Variants in DOCK5 observed in about 807,000 individuals in gnomAD.
DOCK5 encodes the protein dedicator of cytokinesis protein 5.
In DOCK5, 142 loss-of-function variants were observed where a neutral mutation model predicts 251.8. The observed-to-expected ratio is 0.56, with a 90% CI of 0.49 to 0.65. DOCK5 has a LOEUF of 0.65. Among genes scored for constraint, DOCK5 ranks in the 30% least tolerant of loss-of-function variants. The probability of loss-of-function intolerance (pLI) is 0.00; values close to 1 mark genes in which losing one functional copy is unlikely to be tolerated. For missense variants in DOCK5, 2,111 were observed against 2,312.3 expected, an observed-to-expected ratio of 0.91 and a Z score of 1.79; for synonymous variants, 842 against 835.5, an observed-to-expected ratio of 1.01 and a Z score of -0.13.
chr8:25,266,320 A>G (rs1205208280), intron 2 of DOCK5, among the ~76,000 whole-genome samples: 1 of 150,650 alleles, frequency 6.6e-6, no homozygotes, highest in African/African-American at 2.5e-5. Context: ...GGTTCACCCC[A>G]TTCTCCTGCC....
chr8:25,402,515 C>G lies in DOCK5; in HGVS notation c.4927-1043C>G, dbSNP rs917456962. ...GTTTCACCATGTTAGCCGGAATGGT[C>G]TCAATCTCCTGACCTTGTGATCCGC... On this transcript the variant is annotated intron_variant, in intron 47 of 51. Coordinates refer to ENST00000276440, the MANE Select transcript of DOCK5 (RefSeq NM_024940.8). 6.6e-5 allele frequency among the ~76,000 whole-genome samples: 10 copies of G among 152,140 alleles called. 1 individual carries two copies. The highest frequency in any genetic ancestry group is 1.3e-4 in the Non-Finnish European group (9 of 68,022).
intron 37 of DOCK5, chr8:25,374,877 A>C (rs1268209901): frequency 7.3e-7 from 1 of 1,361,224 alleles, no homozygotes; most frequent in Non-Finnish European, 9.5e-7. Flanking sequence ...GCAGAGCACG[A>C]CTTATGAACC....
At chr8:25,361,375 T>A (rs1394674342) in intron 28 of DOCK5, among the ~76,000 whole-genome samples, 1 of 152,108 alleles carries the variant, frequency 6.6e-6, no homozygotes, top group Non-Finnish European at 1.5e-5. Flanking sequence ...TTTGGGAGGC[T>A]GAGGCAGGTG....
intron 7 of DOCK5, among the ~76,000 whole-genome samples, chr8:25,297,535 T>C (rs1249556673): frequency 6.6e-6 from 1 of 152,036 alleles, no homozygotes; most frequent in African/African-American, 2.4e-5. Flanking sequence ...ATTACAGGCG[T>C]GAGCCACCAA....
Position 25,408,046 on chromosome 8 carries a change from C to T in DOCK5, c.5157C>T (p.Ser1719=), listed in dbSNP as rs374522885. 3.1e-6 allele frequency: 5 copies of T among 1,611,190 alleles called. No homozygotes were observed. Among genetic ancestry groups the T allele is most frequent in the Non-Finnish European group, 3.4e-6 (4 of 1,178,860 alleles). ...CAGGTGCCAGAGTTGAAGATCTGTC[C>T]CTTAGAGAGGAGAACAGCGAGAACC... ...ASSGARVEDL[S]LREENSENRI... is the part of the protein sequence containing the mutation. The change falls in exon 49 of 52, where the codon TCC becomes TCT. Residue 1719 remains serine (S), a synonymous_variant. Transcript: ENST00000276440.
intron 46 of DOCK5, 25 bp downstream of exon 46, chr8:25,400,019 T>C: frequency 6.3e-7 from 1 of 1,590,460 alleles, no homozygotes; most frequent in Non-Finnish European, 8.6e-7. Flanking sequence ...TCCTCTACAC[T>C]CCCAGGGAGG....
chr8:25,187,364 T>TTGTGTGTGTG (rs34685735), intron 1 of DOCK5, among the ~76,000 whole-genome samples: 261 of 136,608 alleles, frequency 1.9e-3, no homozygotes, highest in African/African-American at 6.9e-3. Context: ...TGGGTGGAAA[T>TTGTGTGTGTG]TGTGTGTGTG....
intron 1 of DOCK5, among the ~76,000 whole-genome samples, chr8:25,195,762 G>C (rs149379097): frequency 3.3e-5 from 5 of 152,138 alleles, no homozygotes; most frequent in Non-Finnish European, 7.4e-5. Context: ...ACAATGTCTA[G>C]CCCTTTTCCT....
intron 1 of DOCK5, among the ~76,000 whole-genome samples, chr8:25,194,470 C>T (rs2117446864): frequency 6.6e-6 from 1 of 152,232 alleles, no homozygotes; most frequent in African/African-American, 2.4e-5. Context: ...CCTGCCTTCC[C>T]TCCGCTTTGC....
chr8:25,290,814 A>G (rs1238605375), intron 5 of DOCK5, among the ~76,000 whole-genome samples: 3 of 152,186 alleles, frequency 2.0e-5, no homozygotes, highest in African/African-American at 7.2e-5. Context: ...CCATGCTATC[A>G]TGGGAACAAA....
chr8:25,313,735 G>A (rs961371818), intron 13 of DOCK5, among the ~76,000 whole-genome samples: 4 of 152,270 alleles, frequency 2.6e-5, no homozygotes, highest in African/African-American at 2.4e-5. Flanking sequence ...TTCTCCCTTC[G>A]TCTTCACTTG....
intron 13 of DOCK5, among the ~76,000 whole-genome samples, chr8:25,312,687 C>T (rs944013677): frequency 2.3e-4 from 34 of 144,870 alleles, no homozygotes; most frequent in Admixed American, 7.4e-4. Context: ...TGCTTGAACC[C>T]GGGAGGCGGT....
At chr8:25,314,390 A>G (rs1805181834) in intron 13 of DOCK5, among the ~76,000 whole-genome samples, 1 of 151,326 alleles carries the variant, frequency 6.6e-6, no homozygotes, top group East Asian at 1.9e-4. Flanking sequence ...AAGTGCTGAG[A>G]TTACAGGCAT....
At chr8:25,404,038 T>A (rs1801483091) in intron 48 of DOCK5, among the ~76,000 whole-genome samples, 1 of 152,138 alleles carries the variant, frequency 6.6e-6, no homozygotes. Context: ...GGCATGAAAT[T>A]CCAAAAGAAC....
chr8:25,216,032 A>G (rs1269557946), intron 1 of DOCK5, among the ~76,000 whole-genome samples: 1 of 151,844 alleles, frequency 6.6e-6, no homozygotes, highest in Non-Finnish European at 1.5e-5. Flanking sequence ...ACATGTATAT[A>G]CGTGTATACA....
intron 40 of DOCK5, among the ~76,000 whole-genome samples, chr8:25,388,447 A>G (rs1431826324): frequency 6.8e-6 from 1 of 147,256 alleles, no homozygotes. Context: ...CTCTTTGGGG[A>G]AAAAAAAATG....
At chr8:25,392,401 C>CAG (rs1156484376) in intron 43 of DOCK5, among the ~76,000 whole-genome samples, 1 of 151,984 alleles carries the variant, frequency 6.6e-6, no homozygotes, top group African/African-American at 2.4e-5. Flanking sequence ...CCCCTGGGAA[C>CAG]AGAGACTTCA....
chr8:25,233,380 T>G (rs1802718786), intron 1 of DOCK5, among the ~76,000 whole-genome samples: 1 of 152,226 alleles, frequency 6.6e-6, no homozygotes, highest in African/African-American at 2.4e-5. Context: ...TATATGTATT[T>G]TTTAGGTAGA....
intron 34 of DOCK5, 145 bp downstream of exon 34, chr8:25,369,786 G>T: frequency 3.4e-6 from 2 of 594,130 alleles, no homozygotes; most frequent in Non-Finnish European, 5.8e-6. Flanking sequence ...ATGGTTATGG[G>T]GTGTATACTG....
Sources: allele counts gnomAD v4.1 joint callset (sites outside exome capture counted in the v4.1 genomes callset), GRCh38; gene constraint gnomAD v4.1.1; transcripts MANE v1.5; gene names NCBI Gene and HGNC (gene_info 2026-07-23, HGNC 2026-07-21).